Variants in AHSA1 observed in about 807,000 individuals in gnomAD.
AHSA1 encodes the protein activator of HSP90 ATPase activity 1.
In AHSA1, 14 loss-of-function variants were observed where a neutral mutation model predicts 46.1. That is an observed-to-expected ratio of 0.30 (90% CI 0.20 to 0.47). The LOEUF (loss-of-function observed/expected upper bound fraction) is 0.47. Ranked by LOEUF, AHSA1 falls within the 20% of genes least tolerant of loss-of-function variation. The pLI, the probability that AHSA1 is intolerant of heterozygous loss-of-function variation, is 0.99. For synonymous variants in AHSA1, 147 were observed against 145.8 expected (o/e 1.01, Z -0.06); for missense variants, 333 against 415.9 (o/e 0.80, Z 1.73).
chr14:77,468,622 G>A, intron 8 of AHSA1, 114 bp downstream of exon 8: 1 of 958,846 alleles, frequency 1.0e-6, no homozygotes, highest in South Asian at 1.4e-5. Flanking sequence ...GAGTGCAGTG[G>A]CATAATCACA....
chr14:77,468,093 C>G lies in AHSA1; in HGVS notation c.701C>G (p.Ala234Gly), dbSNP rs376745159. 1 of 1,421,190 alleles carries G rather than the reference C, an allele frequency of 7.0e-7. No individual in the cohort carries two copies. Among genetic ancestry groups the G allele is most frequent in the African/African-American group, 1.5e-5 (1 of 66,104 alleles). The allele number at this position is 1,421,190 out of a possible 1,614,324, so 88.0% of individuals were successfully genotyped here. The change falls in exon 7 of 9, where the codon GCC (alanine) becomes GGC (glycine). Residue 234 changes from alanine (A) to glycine (G), a missense_variant. Coordinates refer to ENST00000216479, the MANE Select transcript of AHSA1 (RefSeq NM_012111.3). Reference protein sequence around the residue: ...RVFTTQELVQAFTHAPATLEA... With the variant: ...RVFTTQELVQGFTHAPATLEA... ...TTTTTTTCCCTGCAGCTGGTGCAGG[C>G]CTTTACCCATGCTCCTGCAACATTA...
intron 2 of AHSA1, 144 bp downstream of exon 2, chr14:77,459,950 C>G (rs2079014548): frequency 2.3e-6 from 2 of 862,790 alleles, no homozygotes; most frequent in South Asian, 3.2e-5. Context: ...AAAGCAGTAT[C>G]GAGTCCTGGA....
chr14:77,466,700 G>A (rs1024230178), intron 6 of AHSA1, among the ~76,000 whole-genome samples: 6 of 152,228 alleles, frequency 3.9e-5, no homozygotes, highest in African/African-American at 1.4e-4. Flanking sequence ...AATTTAAAAA[G>A]ATGTGTATAA....
chr14:77,464,463 G>A (rs1178284196), intron 4 of AHSA1, 135 bp from the exon 5 acceptor site: 3 of 735,842 alleles, frequency 4.1e-6, no homozygotes, highest in Admixed American at 2.9e-5. Context: ...AAGTAAAGAT[G>A]TAAAAATAGC....
At chr14:77,462,396 G>C in intron 3 of AHSA1, 154 bp downstream of exon 3, 1 of 774,622 alleles carries the variant, frequency 1.3e-6, no homozygotes, top group Non-Finnish European at 2.1e-6. Flanking sequence ...GGTGCCATTG[G>C]AAACTTCTAG....
intron 5 of AHSA1, 135 bp from the exon 6 acceptor site, chr14:77,465,404 T>A: frequency 9.7e-7 from 1 of 1,026,958 alleles, no homozygotes. Flanking sequence ...TCAAATTCCC[T>A]TCAAACCCCT....
At position 77,459,695 on chromosome 14, in the gene AHSA1, G is replaced by A. The variant is rs1442460894; in HGVS notation, c.160G>A (p.Gly54Ser). ...GGCAGTGCAGGTTCAAAATGAAGAA[G>A]GCAAGTGTGAGGTGACGGAAGTGAG... is the stretch of plus-strand genomic sequence containing the variant. ...FLAVQVQNEE[G>S]KCEVTEVSKL... Residue 54 changes from glycine to serine, a missense_variant, in exon 2 of 9, where the codon GGC becomes AGC. By Grantham distance (56) the Gly-to-Ser change is moderately conservative. Transcript: ENST00000216479. The A allele has an allele frequency of 2.5e-6, 4 of 1,614,094 alleles. No individual in the cohort carries two copies. The African/African-American group carries it at 5.3e-5, about 22-fold the overall frequency.
At position 77,460,601 on chromosome 14, in the gene AHSA1, C is replaced by T. The variant is rs1487638247; in HGVS notation, c.271+795C>T. Among the ~76,000 whole-genome samples the T allele has an allele frequency of 4.7e-5, 7 of 149,382 alleles. No homozygotes were observed. The South Asian group carries it at 6.3e-4, about 13-fold the overall frequency. Reference sequence around the variant, plus strand: ...TTTTTTTTTTAGACAGAGTTTTGCTCGTCACCCAGGCTGGAGTGCAGTGGC... The same window carrying T: ...TTTTTTTTTTAGACAGAGTTTTGCTTGTCACCCAGGCTGGAGTGCAGTGGC... On this transcript the variant is annotated intron_variant, in intron 2 of 8. Coordinates refer to ENST00000216479, the MANE Select transcript of AHSA1 (RefSeq NM_012111.3).
rs1414857660 is a variant in AHSA1 at position 77,462,646 on chromosome 14, G to A, written c.359G>A (p.Ser120Asn). ...DENSVDEVEI[S>N]VSLAKDEPDT... The stretch of plus-strand genomic sequence containing the variant: ...TACTTCTCATCTTTCACCCAGATTA[G>A]TGTGAGCCTTGCCAAAGATGAGCCT... The change falls in exon 4 of 9, where the codon AGT (serine) becomes AAT (asparagine). Residue 120 changes from serine (S) to asparagine (N), a missense_variant. Transcript: ENST00000216479. 8.7e-6 allele frequency: 14 copies of A among 1,614,146 alleles called. No homozygotes were observed. The highest frequency in any genetic ancestry group is 1.2e-5 in the Non-Finnish European group (14 of 1,179,974).
At chr14:77,457,932 G>C (rs1181028515), upstream of AHSA1, 1 of 508,754 alleles carries the variant, frequency 2.0e-6, no homozygotes, top group Non-Finnish European at 3.4e-6. Flanking sequence ...GACGCTTTTT[G>C]GGGAGAACCC....
In AHSA1 at chr14:77,463,023, TAATCCC is replaced by T. The variant is rs547847185; in HGVS notation, c.472+266_472+271del. 3,026 of 356,368 alleles carry T rather than the reference TAATCCC, an allele frequency of 8.5e-3. 21 individuals are homozygous for T. The highest frequency in any genetic ancestry group is 0.012 in the Non-Finnish European group (2,221 of 184,024). The allele number at this position is 356,368 out of a possible 1,614,324, so 22.1% of individuals were successfully genotyped here. On this transcript the variant is annotated intron_variant, in intron 4 of 8. Transcript: ENST00000216479. The stretch of plus-strand genomic sequence containing the variant: ...GGCCTGGCGCGGTGGCTCACACTTG[TAATCCC>T]AGCACTGTTGGATGCTGAGGTGGGC...
intron 8 of AHSA1, chr14:77,468,740 T>TTTTTTTTTTTTTTTTTTG (rs2079059854): frequency 2.1e-6 from 1 of 468,232 alleles, no homozygotes; most frequent in Non-Finnish European, 3.7e-6. Flanking sequence ...TTTTTTTTTT[T>TTTTTTTTTTTTTTTTTTG]TTTTTACTTT....
intron 8 of AHSA1, chr14:77,468,740 T>TAC: frequency 1.4e-4 from 65 of 468,288 alleles, no homozygotes; most frequent in East Asian, 2.7e-4. Flanking sequence ...TTTTTTTTTT[T>TAC]TTTTTACTTT....
intron 1 of AHSA1, among the ~76,000 whole-genome samples, chr14:77,458,887 A>G (rs1160876568): frequency 6.6e-6 from 1 of 152,190 alleles, no homozygotes; most frequent in Non-Finnish European, 1.5e-5. Context: ...AAATCTTCCC[A>G]AAGTAATATT....
chr14:77,463,793 T>G (rs191837074), intron 4 of AHSA1, among the ~76,000 whole-genome samples: 12 of 152,312 alleles, frequency 7.9e-5, no homozygotes, highest in Admixed American at 7.2e-4. Flanking sequence ...GCCAGTGTAT[T>G]CTGATCTTGG....
intron 6 of AHSA1, among the ~76,000 whole-genome samples, chr14:77,467,335 G>C (rs2079051674): frequency 6.6e-6 from 1 of 152,058 alleles, no homozygotes; most frequent in Non-Finnish European, 1.5e-5. Context: ...GGAGGTCGGG[G>C]CTGCAGTGAG....
At chr14:77,459,983 C>A in intron 2 of AHSA1, 177 bp downstream of exon 2, 1 of 683,372 alleles carries the variant, frequency 1.5e-6, no homozygotes. Flanking sequence ...TTGTGGGATG[C>A]TAAATGGATT....
At position 77,469,411 on chromosome 14, in the gene AHSA1, G is replaced by T; in HGVS notation, c.*162G>T. The T allele has an allele frequency of 1.4e-6, 1 of 712,448 alleles. No individual in the cohort carries two copies. The highest frequency in any genetic ancestry group is 2.0e-5 in the South Asian group (1 of 51,206). 44.1% of individuals were successfully genotyped at this position (712,448 alleles called of 1,614,324 possible). On this transcript the variant is annotated 3_prime_UTR_variant, in exon 9 of 9. Coordinates refer to ENST00000216479, the MANE Select transcript of AHSA1 (RefSeq NM_012111.3). ...GTTTGTGCATGTTTTCTGCTGGGTG[G>T]GTTCAGAGGGCAATTTCTCTTTTAT...
chr14:77,459,685 A>C lies in AHSA1; in HGVS notation c.150A>C (p.Gln50His). 1.2e-6 allele frequency: 2 copies of C among 1,614,246 alleles called. No individual in the cohort carries two copies. Among genetic ancestry groups the C allele is most frequent in the Non-Finnish European group, 8.5e-7 (1 of 1,180,036 alleles). ...LKTLFLAVQV[Q>H]NEEGKCEVTE... ...CACTGTTCCTGGCAGTGCAGGTTCA[A>C]AATGAAGAAGGCAAGTGTGAGGTGA... Residue 50 changes from glutamine (Q) to histidine (H), a missense_variant, in exon 2 of 9, where the codon CAA becomes CAC. Coordinates refer to ENST00000216479, the MANE Select transcript of AHSA1 (RefSeq NM_012111.3).
Sources: gnomAD v4.1 joint callset for allele counts (sites outside exome capture counted in the v4.1 genomes callset) on GRCh38, gnomAD v4.1.1 for gene constraint, MANE v1.5 for transcripts, NCBI Gene and HGNC (gene_info 2026-07-23, HGNC 2026-07-21) for gene names.